LDLRAD3: variants seen among roughly 807,000 people sequenced by gnomAD.
LDLRAD3 encodes the protein low density lipoprotein receptor class A domain containing 3.
Under a neutral mutation model 29.4 loss-of-function variants are expected in LDLRAD3, and 20 were observed. The observed-to-expected ratio is 0.68, with a 90% CI of 0.48 to 0.99. The LOEUF (loss-of-function observed/expected upper bound fraction) is 0.99, where lower values mean the gene tolerates loss of function less well. Among genes scored for constraint, LDLRAD3 ranks in the 50% least tolerant of loss-of-function variants. The pLI is 0.00. For synonymous variants in LDLRAD3, 157 were observed against 192.7 expected (o/e 0.81, Z 1.53); for missense variants, 420 against 454.3 (o/e 0.92, Z 0.69).
At chr11:36,144,938 G>A (rs369393101) in intron 4 of LDLRAD3, among the ~76,000 whole-genome samples, 53 of 105,640 alleles carry the variant, frequency 5.0e-4, no homozygotes, top group African/African-American at 4.9e-4. Context: ...GGGAAGTGAG[G>A]AGCCCCTCTG....
chr11:36,022,973 A>G (rs1852116428), intron 1 of LDLRAD3, among the ~76,000 whole-genome samples: 2 of 152,202 alleles, frequency 1.3e-5, no homozygotes, highest in Non-Finnish European at 2.9e-5. Context: ...TAGATGTACA[A>G]ACATCATTTG....
chr11:36,076,039 G>A (rs960687913), intron 2 of LDLRAD3, among the ~76,000 whole-genome samples: 1 of 152,162 alleles, frequency 6.6e-6, no homozygotes, highest in Non-Finnish European at 1.5e-5. Flanking sequence ...CTCCAAGGAG[G>A]TTGGTTCTCT....
chr11:36,226,410 GTACT>G (rs1409563583), intron 4 of LDLRAD3, among the ~76,000 whole-genome samples: 2 of 152,180 alleles, frequency 1.3e-5, no homozygotes, highest in African/African-American at 4.8e-5. Context: ...GACCCCAGAG[GTACT>G]ACCTGTGTTC....
At chr11:35,993,502 A>G (rs1851714702) in intron 1 of LDLRAD3, among the ~76,000 whole-genome samples, 1 of 152,166 alleles carries the variant, frequency 6.6e-6, no homozygotes, top group Non-Finnish European at 1.5e-5. Flanking sequence ...GCTGGCTTCT[A>G]GCCCTTCTGC....
At chr11:36,210,597 G>T (rs1189818927) in intron 4 of LDLRAD3, among the ~76,000 whole-genome samples, 9 of 152,150 alleles carry the variant, frequency 5.9e-5, no homozygotes, top group Admixed American at 5.9e-4. Flanking sequence ...GCCCACTGGT[G>T]TTGGAATAGA....
chr11:36,036,616 G>A (rs1852308530), intron 2 of LDLRAD3, among the ~76,000 whole-genome samples: 1 of 152,138 alleles, frequency 6.6e-6, no homozygotes, highest in South Asian at 2.1e-4. Context: ...TTGGACTTGG[G>A]AACCCAGGGC....
At chr11:36,040,463 G>A (rs1406219641) in intron 2 of LDLRAD3, among the ~76,000 whole-genome samples, 1 of 152,146 alleles carries the variant, frequency 6.6e-6, no homozygotes, top group African/African-American at 2.4e-5. Flanking sequence ...TTTATATTTT[G>A]ACATTTTCTC....
intron 4 of LDLRAD3, among the ~76,000 whole-genome samples, chr11:36,182,996 A>T (rs1014675196): frequency 1.1e-4 from 17 of 152,218 alleles, no homozygotes; most frequent in African/African-American, 4.1e-4. Flanking sequence ...ATTTAAAGGG[A>T]TGAGGAAACA....
At chr11:36,078,734 A>G (rs1488731319) in intron 2 of LDLRAD3, among the ~76,000 whole-genome samples, 1 of 152,144 alleles carries the variant, frequency 6.6e-6, no homozygotes. Context: ...CCCTGGGCCC[A>G]GCTCTGCCTC....
intron 4 of LDLRAD3, among the ~76,000 whole-genome samples, chr11:36,185,314 C>T (rs2133360745): frequency 6.6e-6 from 1 of 152,176 alleles, no homozygotes; most frequent in Middle Eastern, 3.4e-3. Flanking sequence ...GCACCAGTAA[C>T]TTTAATGCAA....
intron 4 of LDLRAD3, among the ~76,000 whole-genome samples, chr11:36,218,325 A>G (rs572425320): frequency 1.3e-5 from 2 of 152,292 alleles, no homozygotes; most frequent in African/African-American, 4.8e-5. Flanking sequence ...AATTAATCAC[A>G]GGGAACAGTG....
chr11:36,037,814 G>A (rs1852323888), intron 2 of LDLRAD3, among the ~76,000 whole-genome samples: 1 of 152,168 alleles, frequency 6.6e-6, no homozygotes, highest in Admixed American at 6.5e-5. Flanking sequence ...TGGGAAAATT[G>A]GGGGTGTGTT....
At chr11:35,981,240 G>GA (rs1194859406) in intron 1 of LDLRAD3, among the ~76,000 whole-genome samples, 2 of 152,080 alleles carry the variant, frequency 1.3e-5, no homozygotes, top group Non-Finnish European at 2.9e-5. Context: ...GAGTCAGAGG[G>GA]AGGGAGGGTT....
chr11:36,021,798 A>G (rs262429), intron 1 of LDLRAD3, among the ~76,000 whole-genome samples: 121,583 of 152,028 alleles, frequency 0.8, 50,662 homozygotes, highest in Non-Finnish European at 0.92. Flanking sequence ...ACATGCCACT[A>G]TGCCTGGCTA....
intron 3 of LDLRAD3, among the ~76,000 whole-genome samples, chr11:36,089,973 C>T (rs1188036012): frequency 6.6e-6 from 1 of 152,066 alleles, no homozygotes; most frequent in Non-Finnish European, 1.5e-5. Context: ...ATTTTCCATG[C>T]TTTGCTCATT....
At chr11:36,066,160 C>CT (rs536834475) in intron 2 of LDLRAD3, among the ~76,000 whole-genome samples, 3,722 of 141,016 alleles carry the variant, frequency 0.026, 117 homozygotes, top group East Asian at 0.14. Flanking sequence ...CACTCATTTT[C>CT]TTTTTTTTTT....
intron 4 of LDLRAD3, chr11:36,197,513 TACTG>T (rs1331051953): frequency 1.3e-5 from 2 of 152,242 alleles, no homozygotes; most frequent in Non-Finnish European, 2.9e-5. Flanking sequence ...CTGTTGACCA[TACTG>T]ACCTCATAAC....
chr11:36,171,487 G>A (rs1478183468), intron 4 of LDLRAD3, among the ~76,000 whole-genome samples: 1 of 152,160 alleles, frequency 6.6e-6, no homozygotes, highest in African/African-American at 2.4e-5. Context: ...TGAGAGATGA[G>A]GATCCAGTTT....
At chr11:36,046,921 G>A (rs895657950) in intron 2 of LDLRAD3, among the ~76,000 whole-genome samples, 8 of 152,218 alleles carry the variant, frequency 5.3e-5, no homozygotes, top group Non-Finnish European at 1.2e-4. Flanking sequence ...TAAAAGTCAG[G>A]TGGATGTACT....
Sources: gnomAD v4.1 joint callset for allele counts (sites outside exome capture counted in the v4.1 genomes callset) on GRCh38, gnomAD v4.1.1 for gene constraint, MANE v1.5 for transcripts, NCBI Gene and HGNC (gene_info 2026-07-23, HGNC 2026-07-21) for gene names.